The following MDP1 variants were observed in gnomAD, a reference collection of about 807,000 sequenced individuals.
MDP1 encodes magnesium-dependent phosphatase 1.
MDP1 carries 18 observed loss-of-function variants against 21.6 expected under a neutral mutation model. That is an observed-to-expected ratio of 0.83 (90% CI 0.58 to 1.24). The LOEUF is 1.24. MDP1 is among the 50% of genes most tolerant of loss of function. The pLI is 0.00. For synonymous variants in MDP1, 101 were observed against 83.2 expected, an observed-to-expected ratio of 1.21 and a Z score of -1.16; for missense variants, 207 against 218.6, an observed-to-expected ratio of 0.95 and a Z score of 0.33.
chr14:24,215,505 A>G, intron 3 of MDP1, 47 bp downstream of exon 3: 1 of 1,598,756 alleles, frequency 6.3e-7, no homozygotes, highest in Non-Finnish European at 8.6e-7. Flanking sequence ...TGTCTCTTGC[A>G]TGCACCCTTC....
chr14:24,215,794 T>A lies in MDP1; in HGVS notation c.41A>T (p.Tyr14Phe). The A allele has an allele frequency of 1.2e-6, 2 of 1,614,110 alleles. No homozygotes were observed. Among genetic ancestry groups the A allele is most frequent in the Non-Finnish European group, 1.7e-6 (2 of 1,180,026 alleles). The change falls in exon 2 of 6, where the codon TAC (tyrosine) becomes TTC (phenylalanine). Residue 14 changes from tyrosine (Y) to phenylalanine (F), a missense_variant. By Grantham distance (22) the Tyr-to-Phe change is conservative. Coordinates refer to ENST00000288087, the MANE Select transcript of MDP1 (RefSeq NM_138476.4). Reference protein sequence around the residue: ...LPKLAVFDLDYTLWPFWVDTH... With the variant: ...LPKLAVFDLDFTLWPFWVDTH... ...GTCGACCCAGAAAGGCCAGAGAGTG[T>A]AATCTGCGAGAGGAAGGAGAGGGAA...
intron 3 of MDP1, among the ~76,000 whole-genome samples, chr14:24,214,973 T>C (rs2039654223): frequency 6.8e-6 from 1 of 146,380 alleles, no homozygotes; most frequent in South Asian, 2.2e-4. Flanking sequence ...AGATAGGGTC[T>C]CCCTCTATTG....
Position 24,215,599 on chromosome 14 carries a change from G to A in MDP1, c.162C>T (p.Val54=). Residue 54 remains valine (V), a synonymous_variant, in exon 3 of 6, where the codon GTC becomes GTT. Coordinates refer to ENST00000288087, the MANE Select transcript of MDP1 (RefSeq NM_138476.4). The part of the protein sequence containing the change: ...DVRLYPEVPE[V]LKRLQSLGVP... ...CCCCAAGGCTCTGCAATCGTTTTAGGACCTCAGGCACCTCTGGGTACAGTC... is the reference window on the plus strand; with the variant it reads ...CCCCAAGGCTCTGCAATCGTTTTAGAACCTCAGGCACCTCTGGGTACAGTC... 6.2e-7 allele frequency: 1 copy of A among 1,614,108 alleles called. No individual in the cohort carries two copies. Among genetic ancestry groups the A allele is most frequent in the Non-Finnish European group, 8.5e-7 (1 of 1,180,036 alleles).
At chr14:24,215,843 C>A (rs2039685025) in intron 1 of MDP1, 46 bp from the exon 2 acceptor site, 1 of 1,614,122 alleles carries the variant, frequency 6.2e-7, no homozygotes, top group African/African-American at 1.3e-5. Context: ...GCGGGAGATG[C>A]AGGGATTCGG....
At position 24,214,332 on chromosome 14, in the gene MDP1, A is replaced by G; in HGVS notation, c.381T>C (p.Asn127=). The G allele has an allele frequency of 6.2e-7, 1 of 1,614,194 alleles. No homozygotes were observed. The change falls in exon 5 of 6, where the codon AAT becomes AAC. Residue 127 remains asparagine (N), a synonymous_variant. Transcript: ENST00000288087. The stretch of plus-strand genomic sequence containing the variant: ...TACCCAGTTTGCTGACGTCTACAAT[A>G]TTCCGCCTCTCATCATCAAAGAAGA... ...QMIFFDDERR[N]IVDVSKLGVT...
intron 5 of MDP1, 40 bp downstream of exon 5, chr14:24,214,270 T>G (rs1415811183): frequency 6.2e-7 from 1 of 1,613,960 alleles, no homozygotes; most frequent in Non-Finnish European, 8.5e-7. Flanking sequence ...ACCTAATCCC[T>G]CCTAGGGACC....
intron 2 of MDP1, 23 bp downstream of exon 2, chr14:24,215,714 A>G: frequency 4.3e-6 from 7 of 1,614,050 alleles, no homozygotes; most frequent in South Asian, 1.1e-5. Flanking sequence ...TCTCGCCCCC[A>G]GTCTTCCCTG....
rs2039681605 is a variant in MDP1 at position 24,215,768 on chromosome 14, T to A, written c.67A>T (p.Thr23Ser). 2.5e-6 allele frequency: 4 copies of A among 1,614,166 alleles called. No individual in the cohort carries two copies. The highest frequency in any genetic ancestry group is 3.4e-6 in the Non-Finnish European group (4 of 1,180,030). The change falls in exon 2 of 6, where the codon ACG (threonine) becomes TCG (serine). Residue 23 changes from threonine to serine, a missense_variant. Physicochemically the swap from Thr to Ser is moderately conservative, Grantham distance 58. Coordinates refer to ENST00000288087, the MANE Select transcript of MDP1 (RefSeq NM_138476.4). ...DYTLWPFWVD[T>S]HVDPPFHKSS... is the part of the protein sequence containing the mutation. ...TTATGGAACGGAGGGTCTACGTGCG[T>A]GTCGACCCAGAAAGGCCAGAGAGTG...
At position 24,214,322 on chromosome 14, in the gene MDP1, C is replaced by T. The variant is rs777020587; in HGVS notation, c.391G>A (p.Val131Ile). The change falls in exon 5 of 6, where the codon GTC (valine) becomes ATC (isoleucine). Residue 131 changes from valine (V) to isoleucine (I), a missense_variant. Physicochemically the swap from Val to Ile is conservative, Grantham distance 29 (BLOSUM62 3). Transcript: ENST00000288087. ...FDDERRNIVD[V>I]SKLGVTCIHI... ...CATCACTCAGTACCCAGTTTGCTGA[C>T]GTCTACAATATTCCGCCTCTCATCA... 8.1e-6 allele frequency: 13 copies of T among 1,614,068 alleles called. No homozygotes were observed. The highest frequency in any genetic ancestry group is 4.5e-5 in the East Asian group (2 of 44,900).
chr14:24,215,969 G>C lies in MDP1; in HGVS notation c.-14C>G, dbSNP rs2039689805. 2 of 1,614,150 alleles carry C rather than the reference G, an allele frequency of 1.2e-6. No individual in the cohort carries two copies. The highest frequency in any genetic ancestry group is 1.7e-6 in the Non-Finnish European group (2 of 1,180,026). On this transcript the variant is annotated 5_prime_UTR_variant, in exon 1 of 6. Coordinates refer to ENST00000288087, the MANE Select transcript of MDP1 (RefSeq NM_138476.4). ...TAGCCGCGCCATGACCCGCACCGCA[G>C]GCTGCGCGCAGCAGAGGTGGGGCTT...
rs10136993 is a variant in MDP1 at position 24,214,646 on chromosome 14, G to A, written c.210-47C>T. On this transcript the variant is annotated intron_variant, in intron 3 of 5. Coordinates refer to ENST00000288087, the MANE Select transcript of MDP1 (RefSeq NM_138476.4). ...GGGATTAGCAAAGTGAAGGGCCAGG[G>A]CTACGTTAACTTATTAAGCAAAGTT... 0.031 allele frequency: 49,989 copies of A among 1,601,562 alleles called. 6,640 individuals are homozygous for A. In the African/African-American group the frequency reaches 0.41, roughly 13 times the overall value.
At position 24,215,950 on chromosome 14, in the gene MDP1, C is replaced by A; in HGVS notation, c.6G>T (p.Ala2=). 2 of 1,614,210 alleles carry A rather than the reference C, an allele frequency of 1.2e-6. No homozygotes were observed. The highest frequency in any genetic ancestry group is 1.7e-6 in the Non-Finnish European group (2 of 1,180,036). The change falls in exon 1 of 6, where the codon GCG becomes GCT. Residue 2 remains alanine (A), a synonymous_variant. Transcript: ENST00000288087. ...CAAAGACTGCCAGCTTCGGTAGCCG[C>A]GCCATGACCCGCACCGCAGGCTGCG... M[A]RLPKLAVFDL...
Position 24,213,972 on chromosome 14 carries a change from C to A in MDP1, c.*52G>T. The A allele has an allele frequency of 6.5e-7, 1 of 1,534,416 alleles. No homozygotes were observed. The highest frequency in any genetic ancestry group is 1.8e-4 in the Middle Eastern group (1 of 5,694). ...ATCTCTTCTGTCACACACAGATGAA[C>A]TTTAATAAATTACAAATGCACCTGA... On this transcript the variant is annotated 3_prime_UTR_variant, in exon 6 of 6. Coordinates refer to ENST00000288087, the MANE Select transcript of MDP1 (RefSeq NM_138476.4).
chr14:24,216,007 TAG>T lies in MDP1; in HGVS notation c.-54_-53del. ...AGAGGTGGGGCTTCACCCGGGGCCT[TAG>T]AGAGTGCGGAACCTCCGGCAGCTAA... On this transcript the variant is annotated 5_prime_UTR_variant, in exon 1 of 6. The change creates a premature stop within an existing upstream ORF in the 5' untranslated region. Transcript: ENST00000288087. The T allele has an allele frequency of 6.8e-6, 11 of 1,612,462 alleles. No homozygotes were observed. The highest frequency in any genetic ancestry group is 2.2e-5 in the East Asian group (1 of 44,872).
Position 24,213,952 on chromosome 14 carries a change from T to C in MDP1, c.*72A>G. 1 of 1,520,392 alleles carries C rather than the reference T, an allele frequency of 6.6e-7. No individual in the cohort carries two copies. Among genetic ancestry groups the C allele is most frequent in the South Asian group, 1.3e-5 (1 of 74,926 alleles). 94.2% of individuals were successfully genotyped at this position (1,520,392 alleles called of 1,614,324 possible). On this transcript the variant is annotated 3_prime_UTR_variant, in exon 6 of 6. Coordinates refer to ENST00000288087, the MANE Select transcript of MDP1 (RefSeq NM_138476.4). ...CTCCCCACACTGTGGGTAAAATCTC[T>C]TCTGTCACACACAGATGAACTTTAA...
chr14:24,215,920 CA>C lies in MDP1; in HGVS notation c.35del (p.Leu12TrpfsTer14). On this transcript the variant is annotated frameshift_variant and splice_region_variant, in exon 1 of 6. Coordinates refer to ENST00000288087, the MANE Select transcript of MDP1 (RefSeq NM_138476.4). LOFTEE classifies it high-confidence loss of function. The stretch of plus-strand genomic sequence containing the variant: ...AATTCTCCCCTTCCCGTCCCTCACC[CA>C]AATCAAAGACTGCCAGCTTCGGTAG... ...ARLPKLAVFDLDYTLWPFWVD... is the reference protein window; with the variant it reads ...ARLPKLAVFDXDYTLWPFWVD... 6.2e-7 allele frequency: 1 copy of C among 1,614,188 alleles called. No individual in the cohort carries two copies. The highest frequency in any genetic ancestry group is 8.5e-7 in the Non-Finnish European group (1 of 1,180,038).
At chr14:24,215,712 CCA>C (rs771866720) in intron 2 of MDP1, 23 bp downstream of exon 2, 19 of 1,614,088 alleles carry the variant, frequency 1.2e-5, no homozygotes, top group Middle Eastern at 3.3e-4. Flanking sequence ...TATCTCGCCC[CCA>C]GTCTTCCCTG....
chr14:24,214,663 A>T (rs2039646930), intron 3 of MDP1, 64 bp from the exon 4 acceptor site: 1 of 1,565,258 alleles, frequency 6.4e-7, no homozygotes, highest in Non-Finnish European at 8.8e-7. Flanking sequence ...TAACTTATTA[A>T]GCAAAGTTAG....
At chr14:24,214,626 T>C (rs1163852670) in intron 3 of MDP1, 27 bp from the exon 4 acceptor site, 3 of 1,613,258 alleles carry the variant, frequency 1.9e-6, no homozygotes, top group African/African-American at 2.7e-5. Flanking sequence ...AAGATGGGAT[T>C]AGCAAAGTGA....
Sources: allele counts gnomAD v4.1 joint callset (sites outside exome capture counted in the v4.1 genomes callset), GRCh38; gene constraint gnomAD v4.1.1; transcripts MANE v1.5; gene names NCBI Gene and HGNC (gene_info 2026-07-23, HGNC 2026-07-21).